The following TOMT variants were observed in gnomAD, a reference collection of about 807,000 sequenced individuals.
The protein encoded by TOMT is transmembrane O-methyltransferase.
In TOMT, 23 loss-of-function variants were observed where a neutral mutation model predicts 21.7. The ratio of observed to expected loss-of-function variants is 1.06; its 90% CI spans 0.76 to 1.50. The LOEUF is 1.50. TOMT is among the 40% of genes most tolerant of loss of function. The probability of loss-of-function intolerance (pLI) is 0.00; values close to 1 mark genes in which losing one functional copy is unlikely to be tolerated. For missense variants in TOMT, 331 were observed against 348.7 expected (o/e 0.95, Z 0.41); for synonymous variants, 132 against 150.8 (o/e 0.88, Z 0.91).
exon 2 of TOMT, chr11:72,108,015 C>A (rs1396507334): frequency 6.4e-7 from 1 of 1,551,648 alleles, no homozygotes; most frequent in South Asian, 1.2e-5. Context: ...GCTTATTGCC[C>A]GAGCCCTGCC....
At chr11:72,106,940 CAAA>C (rs34155157) in intron 1 of TOMT, 44 of 82,450 alleles carry the variant, frequency 5.3e-4, no homozygotes, top group South Asian at 1.5e-3. Context: ...GAACCTGTCT[CAAA>C]AAAAAAAAAA....
exon 3 of TOMT, chr11:72,108,635 G>T: frequency 6.7e-7 from 1 of 1,495,734 alleles, no homozygotes; most frequent in Non-Finnish European, 9.0e-7. Flanking sequence ...CTCAGAGGAC[G>T]TGATCCCGTG....
At chr11:72,109,574 G>A (rs1946143059), downstream of TOMT, 3 of 499,460 alleles carry the variant, frequency 6.0e-6, no homozygotes, top group Non-Finnish European at 7.3e-6. Context: ...AACAAATAGG[G>A]AATAGACATG....
At chr11:72,108,262 CCT>C in intron 2 of TOMT, 143 bp downstream of exon 2, 1 of 702,374 alleles carries the variant, frequency 1.4e-6, no homozygotes, top group Non-Finnish European at 2.2e-6. Context: ...GAGCTCCTGC[CCT>C]CCTGTCCCAA....
At chr11:72,106,039 A>G in exon 1 of TOMT, 1 of 1,551,048 alleles carries the variant, frequency 6.4e-7, no homozygotes, top group South Asian at 1.2e-5. Context: ...GCTGGTGCGC[A>G]CGGTCTTGCT....
intron 1 of TOMT, chr11:72,107,132 T>C: frequency 2.7e-6 from 1 of 368,714 alleles, no homozygotes; most frequent in Non-Finnish European, 4.8e-6. Flanking sequence ...CCGGGTGTGG[T>C]GGTGAGTAAC....
chr11:72,107,280 T>C, intron 1 of TOMT: 1 of 601,142 alleles, frequency 1.7e-6, no homozygotes, highest in East Asian at 2.8e-5. Context: ...AATAAATAAA[T>C]AAAAGTTCAT....
chr11:72,109,275 T>C, exon 3 of TOMT: 1 of 460,054 alleles, frequency 2.2e-6, no homozygotes, highest in South Asian at 1.6e-5. Flanking sequence ...GGAAGCTGGA[T>C]GGGAGAGCTC....
chr11:72,106,264 A>G (rs931478705), intron 1 of TOMT, 54 bp downstream of exon 1: 42 of 1,393,938 alleles, frequency 3.0e-5, no homozygotes, highest in Non-Finnish European at 3.8e-5. Context: ...CAGTGAAGGA[A>G]TATTTGGGAT....
At chr11:72,108,239 C>T in intron 2 of TOMT, 120 bp downstream of exon 2, 2 of 887,508 alleles carry the variant, frequency 2.3e-6, no homozygotes. Context: ...GACTGTGATG[C>T]TGGATGGTGT....
Position 72,106,041 on chromosome 11 carries a change from G to A in TOMT, c.90G>A (p.Thr30=), listed in dbSNP as rs556093010. The change falls in exon 1 of 3, where the codon ACG becomes ACA. Residue 30 remains threonine (T), a synonymous_variant. Transcript: ENST00000541899. ...ACTACTTCCGATTGCTGGTGCGCAC[G>A]GTCTTGCTGCGAAGCCTCCGAGACT... The A allele has an allele frequency of 5.2e-5, 80 of 1,551,086 alleles. No individual in the cohort carries two copies. The highest frequency in any genetic ancestry group is 7.8e-5 in the Admixed American group (4 of 51,014).
At chr11:72,108,100 C>T (rs1305909598) in exon 2 of TOMT, 1 of 1,526,346 alleles carries the variant, frequency 6.6e-7, no homozygotes, top group Non-Finnish European at 8.8e-7. Context: ...ATCCGCCTGG[C>T]CGGCTTTGAT....
At chr11:72,109,186 G>C in exon 3 of TOMT, 1 of 513,420 alleles carries the variant, frequency 1.9e-6, no homozygotes, top group East Asian at 3.6e-5. Flanking sequence ...TCCCGACCCA[G>C]CTCTGTCACT....
At chr11:72,107,929 T>G (rs1945855771) in exon 2 of TOMT, 1 of 1,551,666 alleles carries the variant, frequency 6.4e-7, no homozygotes, top group Admixed American at 2.0e-5. Context: ...ATAGGTCAGA[T>G]CCTGATGCGG....
exon 3 of TOMT, chr11:72,108,722 C>G (rs1565332686): frequency 6.5e-7 from 1 of 1,550,066 alleles, no homozygotes; most frequent in Non-Finnish European, 8.7e-7. Flanking sequence ...CCTGAGGGAC[C>G]TGCAGCTGCT....
chr11:72,109,542 C>G (rs563664200), downstream of TOMT: 2 of 426,562 alleles, frequency 4.7e-6, no homozygotes, highest in South Asian at 4.1e-5. Flanking sequence ...AAAGAAGATG[C>G]TGGACTCCTC....
At chr11:72,108,216 C>T (rs556848324) in intron 2 of TOMT, 97 bp downstream of exon 2, 58 of 1,122,022 alleles carry the variant, frequency 5.2e-5, no homozygotes, top group Non-Finnish European at 6.9e-5. Flanking sequence ...GAAGGAAGCA[C>T]CTCCACTCTG....
chr11:72,107,491 C>T (rs777343398), intron 1 of TOMT: 18 of 702,774 alleles, frequency 2.6e-5, no homozygotes, highest in Middle Eastern at 2.3e-4. Flanking sequence ...AAGGGCAAAG[C>T]CAGCCACATA....
At chr11:72,106,295 G>T in intron 1 of TOMT, 85 bp downstream of exon 1, 1 of 1,347,280 alleles carries the variant, frequency 7.4e-7, no homozygotes, top group Non-Finnish European at 9.6e-7. Flanking sequence ...TTAACTGGAT[G>T]AATTGGGCAG....
Sources: allele counts gnomAD v4.1 joint callset, GRCh38; gene constraint gnomAD v4.1.1; transcripts MANE v1.5; gene names NCBI Gene and HGNC (gene_info 2026-07-23, HGNC 2026-07-21).